Variants in TEK observed in about 807,000 individuals in gnomAD.
TEK encodes angiopoietin-1 receptor.
Under a neutral mutation model 131.8 loss-of-function variants are expected in TEK, and 43 were observed. The ratio of observed to expected loss-of-function variants is 0.33; its 90% confidence interval spans 0.26 to 0.42. The LOEUF is 0.42. Ranked by LOEUF, TEK falls within the 10% of genes least tolerant of loss-of-function variation. The pLI is 1.00. For missense variants in TEK, 1,162 were observed against 1,384.4 expected, an observed-to-expected ratio of 0.84 and a Z score of 2.55; for synonymous variants, 580 against 491.6, an observed-to-expected ratio of 1.18 and a Z score of -2.38.
In TEK at chr9:27,173,302, C is replaced by A; in HGVS notation, c.841C>A (p.Leu281Ile). The A allele has an allele frequency of 6.2e-7, 1 of 1,614,112 alleles. No homozygotes were observed. Among genetic ancestry groups the A allele is most frequent in the Non-Finnish European group, 8.5e-7 (1 of 1,179,964 alleles). ...QEGCKSYVFC[L>I]PDPYGCSCAT... ...GGGATGCAAGTCTTATGTGTTCTGT[C>A]TCCCTGACCCCTATGGGTGTTCCTG... The change falls in exon 6 of 23, where the codon CTC (leucine) becomes ATC (isoleucine). Residue 281 changes from leucine to isoleucine, a missense_variant. Leu to Ile is a conservative substitution (Grantham distance 5, BLOSUM62 2). Transcript: ENST00000380036.
chr9:27,171,972 A>G (rs979019646), intron 4 of TEK, among the ~76,000 whole-genome samples: 3 of 152,190 alleles, frequency 2.0e-5, no homozygotes, highest in Admixed American at 6.5e-5. Context: ...TACATCTTCT[A>G]GGAAGGTCAG....
intron 11 of TEK, among the ~76,000 whole-genome samples, chr9:27,193,790 C>T (rs1824912909): frequency 6.6e-6 from 1 of 152,146 alleles, no homozygotes; most frequent in African/African-American, 2.4e-5. Flanking sequence ...CATCACCATA[C>T]TAAATCTTCG....
chr9:27,205,137 T>C (rs552957948), intron 14 of TEK, 72 bp downstream of exon 14: 177 of 1,580,980 alleles, frequency 1.1e-4, no homozygotes, highest in Non-Finnish European at 1.4e-4. Context: ...TTTAAAGATA[T>C]GGACCAGGAA....
At chr9:27,176,400 C>T (rs1205221895) in intron 6 of TEK, among the ~76,000 whole-genome samples, 1 of 152,162 alleles carries the variant, frequency 6.6e-6, no homozygotes, top group Non-Finnish European at 1.5e-5. Flanking sequence ...CTAAAAAAAT[C>T]AAGGCTTCAT....
At chr9:27,212,964 T>C (rs1215934469) in intron 17 of TEK, 67 bp downstream of exon 17, 7 of 1,546,846 alleles carry the variant, frequency 4.5e-6, no homozygotes, top group Middle Eastern at 1.8e-4. Context: ...AGTTTCAATA[T>C]GTTTGTAGGG....
chr9:27,135,248 G>A (rs1300546190), intron 1 of TEK, among the ~76,000 whole-genome samples: 1 of 148,702 alleles, frequency 6.7e-6, no homozygotes, highest in Non-Finnish European at 1.5e-5. Context: ...AAGGATTCTT[G>A]TCTTAGTGTA....
chr9:27,128,989 CT>C (rs1411151293), intron 1 of TEK, among the ~76,000 whole-genome samples: 1 of 152,158 alleles, frequency 6.6e-6, no homozygotes, highest in African/African-American at 2.4e-5. Context: ...CCTGATTGCC[CT>C]GGCCAGAACT....
chr9:27,199,452 G>A (rs942942914), intron 12 of TEK, among the ~76,000 whole-genome samples: 7 of 152,142 alleles, frequency 4.6e-5, no homozygotes, highest in African/African-American at 1.7e-4. Context: ...TGTGTACTAT[G>A]TTCAGGAGTG....
chr9:27,208,410 C>G (rs1001170930), intron 15 of TEK, among the ~76,000 whole-genome samples: 1 of 152,018 alleles, frequency 6.6e-6, no homozygotes, highest in Non-Finnish European at 1.5e-5. Context: ...GTTTATGCAC[C>G]AACCAATAGC....
chr9:27,208,210 G>C (rs1231981834), intron 15 of TEK, among the ~76,000 whole-genome samples: 2 of 152,030 alleles, frequency 1.3e-5, no homozygotes, highest in Non-Finnish European at 2.9e-5. Flanking sequence ...CCTCCATGAG[G>C]CTTCTGTAGT....
intron 10 of TEK, among the ~76,000 whole-genome samples, chr9:27,191,065 G>A (rs569380755): frequency 3.3e-5 from 5 of 152,328 alleles, no homozygotes; most frequent in African/African-American, 1.2e-4. Flanking sequence ...GAAGGGCAGA[G>A]AGGCTTAATC....
Position 27,204,913 on chromosome 9 carries a change from C to T in TEK, c.2212C>T (p.Pro738Ser). Residue 738 changes from proline to serine, a missense_variant and splice_region_variant, in exon 14 of 23, where the codon CCA (proline) becomes TCA (serine). Pro to Ser is a moderately conservative substitution (Grantham distance 74). Transcript: ENST00000380036. ...TTCACCTCTGTCTTCCTGCACAGCACCAGCGGACCTCGGAGGGGGGAAGAT... is the reference window on the plus strand; with the variant it reads ...TTCACCTCTGTCTTCCTGCACAGCATCAGCGGACCTCGGAGGGGGGAAGAT... ...ELVTLPESQA[P>S]ADLGGGKMLL... is the part of the protein sequence containing the mutation. 6.2e-7 allele frequency: 1 copy of T among 1,613,902 alleles called. No individual in the cohort carries two copies. The highest frequency in any genetic ancestry group is 8.5e-7 in the Non-Finnish European group (1 of 1,179,862).
At chr9:27,204,815 A>G in intron 13 of TEK, 96 bp from the exon 14 acceptor site, 2 of 1,546,086 alleles carry the variant, frequency 1.3e-6, no homozygotes, top group South Asian at 2.2e-5. Context: ...GGCTGCTGTT[A>G]AGTTCCCATT....
At chr9:27,184,750 CAA>C (rs1250859835) in intron 8 of TEK, among the ~76,000 whole-genome samples, 1 of 151,954 alleles carries the variant, frequency 6.6e-6, no homozygotes, top group African/African-American at 2.4e-5. Flanking sequence ...TCAAAAATGG[CAA>C]AGAGGCCAGA....
At chr9:27,146,522 G>A (rs937783294) in intron 1 of TEK, among the ~76,000 whole-genome samples, 5 of 151,982 alleles carry the variant, frequency 3.3e-5, no homozygotes, top group Admixed American at 6.6e-5. Flanking sequence ...AAATGCAGTC[G>A]GACAGTAGGT....
intron 20 of TEK, among the ~76,000 whole-genome samples, 160 bp downstream of exon 20, chr9:27,218,977 C>A (rs549202431): frequency 1.3e-5 from 2 of 152,220 alleles, no homozygotes; most frequent in East Asian, 3.9e-4. Context: ...CCATATTTTT[C>A]TTTTTAAAAG....
At chr9:27,126,379 A>G (rs1426141535) in intron 1 of TEK, among the ~76,000 whole-genome samples, 1 of 152,176 alleles carries the variant, frequency 6.6e-6, no homozygotes, top group Admixed American at 6.5e-5. Flanking sequence ...CTAATGCACT[A>G]AATATATCAC....
chr9:27,219,067 C>T (rs1301913060), intron 20 of TEK, among the ~76,000 whole-genome samples: 4 of 124,570 alleles, frequency 3.2e-5, no homozygotes, highest in Admixed American at 2.3e-4. Flanking sequence ...TCCGCTTGTA[C>T]AAGTTGCCAG....
At chr9:27,213,251 T>C (rs1304008298) in intron 17 of TEK, among the ~76,000 whole-genome samples, 1 of 152,200 alleles carries the variant, frequency 6.6e-6, no homozygotes, top group Non-Finnish European at 1.5e-5. Context: ...AGCTGGAGGA[T>C]TTAACAACCT....
Sources: gnomAD v4.1 joint callset for allele counts (sites outside exome capture counted in the v4.1 genomes callset) on GRCh38, gnomAD v4.1.1 for gene constraint, MANE v1.5 for transcripts, NCBI Gene and HGNC (gene_info 2026-07-23, HGNC 2026-07-21) for gene names.